Variants in SLC44A5 observed in about 807,000 individuals in gnomAD.
The protein encoded by SLC44A5 is solute carrier family 44 member 5, also known as choline transporter-like protein 5.
Under a neutral mutation model 101.8 loss-of-function variants are expected in SLC44A5, and 57 were observed. That is an observed-to-expected ratio of 0.56 (90% CI 0.45 to 0.70). The LOEUF (loss-of-function observed/expected upper bound fraction) is 0.70, where lower values mean the gene tolerates loss of function less well. SLC44A5 is among the 30% of genes least tolerant of loss of function. SLC44A5 has a pLI of 0.00. For synonymous variants in SLC44A5, 281 were observed against 290.9 expected (o/e 0.97, Z 0.35); for missense variants, 737 against 853.1 (o/e 0.86, Z 1.70).
chr1:75,709,231 T>G, the SLC44A5 span, among the ~76,000 whole-genome samples: 1 of 152,206 alleles, frequency 6.6e-6, no homozygotes, highest in African/African-American at 2.4e-5. Flanking sequence ...AGTCCCTCAG[T>G]ATAAACTGAT....
intron 1 of SLC44A5, among the ~76,000 whole-genome samples, chr1:75,544,379 T>A (rs1290254579): frequency 1.3e-5 from 2 of 152,226 alleles, no homozygotes; most frequent in Non-Finnish European, 2.9e-5. Flanking sequence ...TGTGGTATTC[T>A]GTTACAGCAG....
intron 2 of SLC44A5, among the ~76,000 whole-genome samples, chr1:75,483,726 G>C (rs1293369145): frequency 1.3e-5 from 2 of 152,174 alleles, no homozygotes; most frequent in Non-Finnish European, 2.9e-5. Context: ...AATTTTCTGT[G>C]TTAGTCCATT....
At chr1:75,425,320 G>A (rs1557771620) in intron 2 of SLC44A5, among the ~76,000 whole-genome samples, 1 of 152,210 alleles carries the variant, frequency 6.6e-6, no homozygotes, top group Non-Finnish European at 1.5e-5. Flanking sequence ...GATTAACTGA[G>A]TGATAAAAGA....
Position 75,227,952 on chromosome 1 carries a change from A to G in SLC44A5, c.854-95T>C, listed in dbSNP as rs138905831. ...CATACATATCTATATGAAACTGATC[A>G]GCATGGTAATTTCTGCAAAGGCAAG... On this transcript the variant is annotated intron_variant, in intron 12 of 23. Transcript: ENST00000370859. The G allele has an allele frequency of 1.1e-5, 11 of 1,011,508 alleles. No individual in the cohort carries two copies. In the East Asian group the frequency reaches 3.4e-4, roughly 31 times the overall value. 62.7% of individuals were successfully genotyped at this position (1,011,508 alleles called of 1,614,324 possible).
chr1:75,419,505 T>C (rs553258967), intron 2 of SLC44A5, among the ~76,000 whole-genome samples: 3 of 149,078 alleles, frequency 2.0e-5, no homozygotes, highest in East Asian at 3.9e-4. Flanking sequence ...TGAAATTCTG[T>C]ACCAGGAAAA....
chr1:75,214,539 T>C, intron 20 of SLC44A5, 66 bp downstream of exon 20: 1 of 1,254,342 alleles, frequency 8.0e-7, no homozygotes, highest in Non-Finnish European at 1.1e-6. Flanking sequence ...AATAACAACA[T>C]GTAAAGGATG....
At chr1:75,457,358 A>C (rs1031578974) in intron 2 of SLC44A5, among the ~76,000 whole-genome samples, 4 of 152,186 alleles carry the variant, frequency 2.6e-5, no homozygotes, top group African/African-American at 9.6e-5. Flanking sequence ...AAAAACAGAA[A>C]TGAACCTTCT....
intron 2 of SLC44A5, among the ~76,000 whole-genome samples, chr1:75,504,993 CT>C (rs1180386394): frequency 6.6e-6 from 1 of 152,084 alleles, no homozygotes; most frequent in Non-Finnish European, 1.5e-5. Context: ...GCTCTTTCCT[CT>C]TCCCCCTCTC....
At chr1:75,460,949 T>A (rs935537407) in intron 2 of SLC44A5, among the ~76,000 whole-genome samples, 1 of 152,016 alleles carries the variant, frequency 6.6e-6, no homozygotes, top group African/African-American at 2.4e-5. Flanking sequence ...TTAAAATCAG[T>A]CTGACATCCT....
chr1:75,299,139 A>G (rs1654219922), intron 5 of SLC44A5, among the ~76,000 whole-genome samples: 1 of 152,206 alleles, frequency 6.6e-6, no homozygotes, highest in South Asian at 2.1e-4. Context: ...AAGAAAATTT[A>G]TTTTATTATA....
At chr1:75,337,596 A>G (rs989160949) in intron 4 of SLC44A5, among the ~76,000 whole-genome samples, 1 of 152,152 alleles carries the variant, frequency 6.6e-6, no homozygotes, top group Admixed American at 6.5e-5. Context: ...GGGCCTGAAG[A>G]TCTATTTTGT....
At chr1:75,632,795 C>T in the SLC44A5 span, among the ~76,000 whole-genome samples, 64,122 of 151,892 alleles carry the variant, frequency 0.42, 14,414 homozygotes, top group East Asian at 0.91. Flanking sequence ...GACAAGTTAC[C>T]TAACATCTCT....
intron 2 of SLC44A5, among the ~76,000 whole-genome samples, chr1:75,473,369 A>G (rs992117268): frequency 6.6e-6 from 1 of 152,220 alleles, no homozygotes; most frequent in African/African-American, 2.4e-5. Context: ...ATGATTTTCC[A>G]AAGAGGAAGA....
At chr1:75,436,814 T>C (rs1664916676) in intron 2 of SLC44A5, among the ~76,000 whole-genome samples, 1 of 152,196 alleles carries the variant, frequency 6.6e-6, no homozygotes, top group African/African-American at 2.4e-5. Context: ...TGTTTTCTTT[T>C]TGTCCTTAGT....
At chr1:75,702,139 C>T in the SLC44A5 span, among the ~76,000 whole-genome samples, 10 of 152,002 alleles carry the variant, frequency 6.6e-5, no homozygotes, top group African/African-American at 9.7e-5. Context: ...ACTTTCTTCA[C>T]AGAATTGGAA....
intron 2 of SLC44A5, among the ~76,000 whole-genome samples, chr1:75,412,470 G>C (rs932853562): frequency 6.6e-6 from 1 of 152,108 alleles, no homozygotes; most frequent in African/African-American, 2.4e-5. Context: ...AGACCAGGAA[G>C]TTACACTTTA....
chr1:75,622,869 CT>C, the SLC44A5 span, among the ~76,000 whole-genome samples: 1 of 152,118 alleles, frequency 6.6e-6, no homozygotes, highest in Non-Finnish European at 1.5e-5. Context: ...TGGTCCTTGG[CT>C]CAGTTTACCA....
chr1:75,308,731 T>G (rs192447425), intron 4 of SLC44A5, among the ~76,000 whole-genome samples: 2 of 152,300 alleles, frequency 1.3e-5, no homozygotes, highest in East Asian at 3.9e-4. Flanking sequence ...TTGGAACACT[T>G]TTTAATCTTT....
intron 3 of SLC44A5, among the ~76,000 whole-genome samples, chr1:75,385,573 A>T (rs1434781583): frequency 1.3e-5 from 2 of 152,236 alleles, no homozygotes; most frequent in African/African-American, 4.8e-5. Context: ...TCAATAGCTT[A>T]CCGACCAAAA....
Sources: gnomAD v4.1 joint callset for allele counts (sites outside exome capture counted in the v4.1 genomes callset) on GRCh38, gnomAD v4.1.1 for gene constraint, MANE v1.5 for transcripts, NCBI Gene and HGNC (gene_info 2026-07-23, HGNC 2026-07-21) for gene names.